Variants in KDM4C observed in about 807,000 individuals in gnomAD.
KDM4C encodes the protein lysine-specific demethylase 4C.
A neutral mutation model predicts 129.3 loss-of-function variants in KDM4C; 81 were observed. The ratio of observed to expected loss-of-function variants is 0.63; its 90% confidence interval spans 0.52 to 0.75. The LOEUF is 0.75. Ranked by LOEUF, KDM4C falls within the 30% of genes least tolerant of loss-of-function variation. KDM4C has a pLI of 0.00. For synonymous variants in KDM4C, 573 were observed against 456.1 expected (o/e 1.26, Z -3.26); for missense variants, 1,457 against 1,304.0 (o/e 1.12, Z -1.81).
At chr9:7,078,183 A>T (rs1182236585) in intron 17 of KDM4C, among the ~76,000 whole-genome samples, 1 of 152,146 alleles carries the variant, frequency 6.6e-6, no homozygotes, top group South Asian at 2.1e-4. Context: ...GGTGCTTTTT[A>T]AAAAAATAAT....
chr9:6,823,037 G>T (rs1355103610), intron 4 of KDM4C, among the ~76,000 whole-genome samples: 2 of 152,162 alleles, frequency 1.3e-5, no homozygotes, highest in East Asian at 3.8e-4. Context: ...GATTCTTCTC[G>T]TGGTAATGCT....
At chr9:7,156,368 T>C (rs1843172502) in intron 19 of KDM4C, among the ~76,000 whole-genome samples, 1 of 152,234 alleles carries the variant, frequency 6.6e-6, no homozygotes, top group South Asian at 2.1e-4. Flanking sequence ...TTTCATGCCA[T>C]TTGTCAATTT....
chr9:6,854,941 T>C (rs1839532681), intron 5 of KDM4C, among the ~76,000 whole-genome samples: 2 of 152,198 alleles, frequency 1.3e-5, no homozygotes, highest in Non-Finnish European at 1.5e-5. Context: ...GCCTCAATTT[T>C]CTCTCCTAAA....
At chr9:6,902,926 T>G (rs931196841) in intron 8 of KDM4C, among the ~76,000 whole-genome samples, 5 of 152,184 alleles carry the variant, frequency 3.3e-5, no homozygotes, top group African/African-American at 1.2e-4. Flanking sequence ...AAGGAGCTGT[T>G]GCTTATATCT....
At chr9:6,948,638 G>A (rs886668203) in intron 8 of KDM4C, among the ~76,000 whole-genome samples, 9 of 151,340 alleles carry the variant, frequency 5.9e-5, no homozygotes, top group Non-Finnish European at 1.2e-4. Flanking sequence ...GCGGCCTTCC[G>A]CAGTGTTTGT....
chr9:6,981,948 A>G (rs895010635), intron 9 of KDM4C: 1 of 174,234 alleles, frequency 5.7e-6, no homozygotes, highest in African/African-American at 2.4e-5. Context: ...GATAACCAGT[A>G]TTAACATTTT....
intron 2 of KDM4C, among the ~76,000 whole-genome samples, chr9:6,797,904 GAT>G (rs1828055587): frequency 6.6e-6 from 1 of 152,166 alleles, no homozygotes; most frequent in South Asian, 2.1e-4. Flanking sequence ...ATTCTGTTTT[GAT>G]ATAATCAGGA....
chr9:6,959,966 T>G (rs898289097), intron 8 of KDM4C, among the ~76,000 whole-genome samples: 1 of 151,882 alleles, frequency 6.6e-6, no homozygotes, highest in African/African-American at 2.4e-5. Flanking sequence ...TACTAACAAC[T>G]GTGTAGCCCG....
intron 17 of KDM4C, among the ~76,000 whole-genome samples, chr9:7,055,770 T>C (rs1402475598): frequency 6.6e-6 from 1 of 152,272 alleles, no homozygotes; most frequent in South Asian, 2.1e-4. Flanking sequence ...AAAAATAGAA[T>C]TATTGAGAGG....
intron 1 of KDM4C, chr9:6,723,718 C>T (rs12002863): frequency 0.013 from 1,972 of 151,858 alleles, 42 homozygotes; most frequent in African/African-American, 0.046. Flanking sequence ...ATGCCTCTAA[C>T]GAAGGAAAGG....
chr9:6,869,362 G>A (rs1169489551), intron 5 of KDM4C, among the ~76,000 whole-genome samples: 1 of 152,204 alleles, frequency 6.6e-6, no homozygotes, highest in Non-Finnish European at 1.5e-5. Flanking sequence ...TCATTCTCCA[G>A]GCCGTACTCT....
intron 8 of KDM4C, among the ~76,000 whole-genome samples, chr9:6,961,973 A>G (rs1186586710): frequency 1.3e-5 from 2 of 152,210 alleles, no homozygotes; most frequent in Admixed American, 6.5e-5. Flanking sequence ...TCACAAGTTC[A>G]TTTATAAATC....
At chr9:7,105,221 G>A (rs1049402365) in intron 18 of KDM4C, among the ~76,000 whole-genome samples, 2 of 152,190 alleles carry the variant, frequency 1.3e-5, no homozygotes, top group Non-Finnish European at 2.9e-5. Flanking sequence ...CTCATTAGAG[G>A]ATGTATATGA....
chr9:6,735,503 C>T (rs1398559013), intron 1 of KDM4C, among the ~76,000 whole-genome samples: 2 of 152,176 alleles, frequency 1.3e-5, no homozygotes, highest in East Asian at 3.8e-4. Flanking sequence ...AATTATGGGT[C>T]AGGGCTTTCC....
intron 1 of KDM4C, among the ~76,000 whole-genome samples, chr9:6,772,783 C>A (rs552980316): frequency 6.6e-5 from 10 of 151,492 alleles, no homozygotes; most frequent in African/African-American, 2.2e-4. Context: ...GCCTCTGCCC[C>A]CCGGATTCAA....
In KDM4C at chr9:6,919,918, C is replaced by G. The variant is rs187824502; in HGVS notation, c.921+26686C>G. ...TCTCTTTAAATACCATAGCCTTTTA[C>G]CTACTCCATGCTATCAGAACTGCTT... is the stretch of plus-strand genomic sequence containing the variant. On this transcript the variant is annotated intron_variant, in intron 8 of 21. Coordinates refer to ENST00000381309, the MANE Select transcript of KDM4C (RefSeq NM_015061.6). 3.9e-5 allele frequency among the ~76,000 whole-genome samples: 6 copies of G among 152,236 alleles called. No homozygotes were observed. In the East Asian group the frequency reaches 1.2e-3, roughly 29 times the overall value.
At chr9:6,836,226 C>T (rs368392187) in intron 4 of KDM4C, among the ~76,000 whole-genome samples, 12 of 151,916 alleles carry the variant, frequency 7.9e-5, no homozygotes, top group East Asian at 3.9e-4. Flanking sequence ...CTGAGGCGGG[C>T]GGATCACCTG....
intron 8 of KDM4C, among the ~76,000 whole-genome samples, chr9:6,978,153 GAGAA>G (rs1237883475): frequency 4.6e-5 from 7 of 152,104 alleles, no homozygotes; most frequent in African/African-American, 1.7e-4. Context: ...TTTTCAGATG[GAGAA>G]ACTGAGGCAC....
chr9:6,965,480 T>C (rs1169430172), intron 8 of KDM4C, among the ~76,000 whole-genome samples: 1 of 152,162 alleles, frequency 6.6e-6, no homozygotes, highest in Non-Finnish European at 1.5e-5. Flanking sequence ...AGGATATGTG[T>C]GTGTGTATAT....
Sources: allele counts gnomAD v4.1 joint callset (sites outside exome capture counted in the v4.1 genomes callset), GRCh38; gene constraint gnomAD v4.1.1; transcripts MANE v1.5; gene names NCBI Gene and HGNC (gene_info 2026-07-23, HGNC 2026-07-21).